The following ABCA13 variants were observed in gnomAD, a reference collection of about 807,000 sequenced individuals.
The protein encoded by ABCA13 is ATP binding cassette subfamily A member 13.
Under a neutral mutation model 478.7 loss-of-function variants are expected in ABCA13, and 476 were observed. The ratio of observed to expected loss-of-function variants is 0.99; its 90% CI spans 0.92 to 1.07. ABCA13 has a LOEUF of 1.07. Ranked by LOEUF, ABCA13 falls within the 50% of genes least tolerant of loss-of-function variation. The pLI, the probability that ABCA13 is intolerant of heterozygous loss-of-function variation, is 0.00. For missense variants in ABCA13, 6,060 were observed against 5,910.6 expected (o/e 1.03, Z -0.83); for synonymous variants, 2,252 against 2,158.9 (o/e 1.04, Z -1.20).
intron 7 of ABCA13, among the ~76,000 whole-genome samples, chr7:48,232,908 T>A (rs1789371826): frequency 6.6e-6 from 1 of 152,192 alleles, no homozygotes; most frequent in Non-Finnish European, 1.5e-5. Context: ...AAAAAGGGGA[T>A]AATTACAGCA....
chr7:48,502,861 C>T (rs1346650406), intron 48 of ABCA13, among the ~76,000 whole-genome samples: 1 of 152,120 alleles, frequency 6.6e-6, no homozygotes, highest in East Asian at 1.9e-4. Context: ...TTCTGGCTAC[C>T]AACTCTTTCT....
At position 48,645,543 on chromosome 7, in the gene ABCA13, C is replaced by A; in HGVS notation, c.*31C>A. On this transcript the variant is annotated 3_prime_UTR_variant, in exon 62 of 62. Coordinates refer to ENST00000435803, the MANE Select transcript of ABCA13 (RefSeq NM_152701.5). Reference sequence around the variant, plus strand: ...AAAGAAGTTTCCATAAGGAATAAAACCTTGTCTTCCATTACAATTAACAGT... The same window carrying A: ...AAAGAAGTTTCCATAAGGAATAAAAACTTGTCTTCCATTACAATTAACAGT... 1.3e-6 allele frequency: 2 copies of A among 1,512,932 alleles called. No individual in the cohort carries two copies. The highest frequency in any genetic ancestry group is 1.7e-4 in the Middle Eastern group (1 of 5,904). The allele number at this position is 1,512,932 out of a possible 1,614,324, so 93.7% of individuals were successfully genotyped here. A position where few individuals can be genotyped will look rare whatever the true frequency, so the allele number is the denominator to read the frequency against.
At chr7:48,515,244 T>C (rs564177953) in intron 51 of ABCA13, among the ~76,000 whole-genome samples, 1 of 152,190 alleles carries the variant, frequency 6.6e-6, no homozygotes, top group African/African-American at 2.4e-5. Flanking sequence ...AGAGAACTTG[T>C]TGGAGCTCCG....
chr7:48,524,186 T>C (rs1189939853), intron 53 of ABCA13, 62 bp from the exon 54 acceptor site: 1 of 1,457,184 alleles, frequency 6.9e-7, no homozygotes, highest in Non-Finnish European at 9.2e-7. Context: ...CCTTTTTGCC[T>C]CTTCTAGACT....
intron 39 of ABCA13, 101 bp from the exon 40 acceptor site, chr7:48,410,419 C>G: frequency 6.9e-7 from 1 of 1,441,028 alleles, no homozygotes; most frequent in Non-Finnish European, 9.6e-7. Context: ...TGGTGAGGAT[C>G]TTTAAATTGT....
intron 50 of ABCA13, among the ~76,000 whole-genome samples, chr7:48,509,328 A>G (rs76184698): frequency 0.018 from 2,674 of 152,244 alleles, 83 homozygotes; most frequent in African/African-American, 0.061. Flanking sequence ...CCTGTGCTAC[A>G]CACTGCTGCT....
chr7:48,474,339 T>A (rs1827847056), intron 45 of ABCA13, among the ~76,000 whole-genome samples: 1 of 152,078 alleles, frequency 6.6e-6, no homozygotes, highest in South Asian at 2.1e-4. Context: ...AGGAAATGAT[T>A]GTTATAGAGA....
chr7:48,481,738 C>T (rs1174106832), intron 46 of ABCA13, among the ~76,000 whole-genome samples: 1 of 151,870 alleles, frequency 6.6e-6, no homozygotes, highest in African/African-American at 2.4e-5. Context: ...GAACTCCTGA[C>T]CTCAGGTGAT....
Position 48,393,443 on chromosome 7 carries a change from T to C in ABCA13, c.11873+1304T>C, listed in dbSNP as rs373608417. Reference sequence around the variant, plus strand: ...GGGAAGGGGCCCTTGGAGGCAAGCATGTAAGTATAACTGGTAATGGACTGC... The same window carrying C: ...GGGAAGGGGCCCTTGGAGGCAAGCACGTAAGTATAACTGGTAATGGACTGC... On this transcript the variant is annotated intron_variant, in intron 38 of 61. Transcript: ENST00000435803. 7.9e-5 allele frequency among the ~76,000 whole-genome samples: 12 copies of C among 152,228 alleles called. No homozygotes were observed. The East Asian group carries it at 1.3e-3, about 17-fold the overall frequency.
chr7:48,429,318 A>G (rs1000999775), intron 42 of ABCA13, among the ~76,000 whole-genome samples: 2 of 152,186 alleles, frequency 1.3e-5, no homozygotes, highest in Non-Finnish European at 2.9e-5. Flanking sequence ...TTGCTGAATC[A>G]TATGTTTCAA....
chr7:48,280,486 C>A (rs1430805302), intron 18 of ABCA13, among the ~76,000 whole-genome samples: 1 of 152,200 alleles, frequency 6.6e-6, no homozygotes, highest in Non-Finnish European at 1.5e-5. Context: ...GTTGTCATGC[C>A]TTGGAAGCAG....
intron 55 of ABCA13, among the ~76,000 whole-genome samples, chr7:48,537,507 G>A (rs1833665545): frequency 6.6e-6 from 1 of 152,152 alleles, no homozygotes; most frequent in African/African-American, 2.4e-5. Flanking sequence ...GAACAAGGGA[G>A]GGGAAGGAGT....
At chr7:48,480,391 A>G (rs1226924262) in intron 45 of ABCA13, among the ~76,000 whole-genome samples, 3 of 152,250 alleles carry the variant, frequency 2.0e-5, no homozygotes. Context: ...AGACTCAGAG[A>G]CAGAGTCGTT....
chr7:48,216,963 G>T (rs1363094866), intron 3 of ABCA13, among the ~76,000 whole-genome samples: 1 of 152,130 alleles, frequency 6.6e-6, no homozygotes, highest in Non-Finnish European at 1.5e-5. Context: ...GTAGCTCTCA[G>T]TTCTATGTAT....
intron 46 of ABCA13, among the ~76,000 whole-genome samples, chr7:48,481,886 T>A (rs1446829486): frequency 6.6e-6 from 1 of 152,120 alleles, no homozygotes; most frequent in Non-Finnish European, 1.5e-5. Context: ...GTTGAATGAA[T>A]GAGTGTATTC....
chr7:48,310,094 A>G lies in ABCA13; in HGVS notation c.9469A>G (p.Ile3157Val). ...GCCAGGGTCAAAAGTGTATTCTCTGATTGTGTTGCTGAGTCGAAACTTGGA... is the reference window on the plus strand; with the variant it reads ...GCCAGGGTCAAAAGTGTATTCTCTGGTTGTGTTGCTGAGTCGAAACTTGGA... ...SLPGSKVYSLIVLLSRNLDVR... is the reference protein window; with the variant it reads ...SLPGSKVYSLVVLLSRNLDVR... Residue 3157 changes from isoleucine to valine, a missense_variant, in exon 24 of 62, where the codon ATT (isoleucine) becomes GTT (valine). Coordinates refer to ENST00000435803, the MANE Select transcript of ABCA13 (RefSeq NM_152701.5). 1 of 1,613,680 alleles carries G rather than the reference A, an allele frequency of 6.2e-7. No homozygotes were observed. The highest frequency in any genetic ancestry group is 1.1e-5 in the South Asian group (1 of 91,056).
chr7:48,253,793 A>C (rs755026613), intron 15 of ABCA13, among the ~76,000 whole-genome samples: 14 of 152,166 alleles, frequency 9.2e-5, no homozygotes, highest in Non-Finnish European at 1.9e-4. Flanking sequence ...ATGTTTCTTC[A>C]TATTTATCCA....
intron 41 of ABCA13, among the ~76,000 whole-genome samples, chr7:48,419,712 T>C (rs1309552180): frequency 1.3e-5 from 2 of 152,330 alleles, no homozygotes; most frequent in East Asian, 3.9e-4. Context: ...ATTTCTACTT[T>C]CTACATTTAG....
intron 59 of ABCA13, among the ~76,000 whole-genome samples, chr7:48,622,361 C>T (rs1793221901): frequency 6.6e-6 from 1 of 152,198 alleles, no homozygotes; most frequent in African/African-American, 2.4e-5. Context: ...GTGCCATTTT[C>T]CTCTTGGAGC....
Sources: gnomAD v4.1 joint callset for allele counts (sites outside exome capture counted in the v4.1 genomes callset) on GRCh38, gnomAD v4.1.1 for gene constraint, MANE v1.5 for transcripts, NCBI Gene and HGNC (gene_info 2026-07-23, HGNC 2026-07-21) for gene names.